Variants in PDZD2 observed in about 807,000 individuals in gnomAD.
The protein encoded by PDZD2 is PDZ domain containing 2.
A neutral mutation model predicts 220.7 loss-of-function variants in PDZD2; 90 were observed. The observed-to-expected ratio is 0.41, with a 90% CI of 0.34 to 0.49. The LOEUF (loss-of-function observed/expected upper bound fraction) is 0.49. Ranked by LOEUF, PDZD2 falls within the 20% of genes least tolerant of loss-of-function variation. The pLI is 0.28. For synonymous variants in PDZD2, 1,375 were observed against 1,450.5 expected, an observed-to-expected ratio of 0.95 and a Z score of 1.18; for missense variants, 3,174 against 3,608.5, an observed-to-expected ratio of 0.88 and a Z score of 3.08.
chr5:32,079,264 A>AAAC (rs1430587285), intron 19 of PDZD2, among the ~76,000 whole-genome samples: 1 of 144,008 alleles, frequency 6.9e-6, no homozygotes, highest in African/African-American at 2.9e-5. Flanking sequence ...GTCTCAAAAA[A>AAAC]AAAACAAAAA....
At chr5:32,016,313 C>A (rs1383851409) in intron 6 of PDZD2, among the ~76,000 whole-genome samples, 1 of 152,172 alleles carries the variant, frequency 6.6e-6, no homozygotes. Context: ...TCTGTTACAG[C>A]ATCTGAATGT....
chr5:32,046,704 A>G (rs1465407369), intron 7 of PDZD2, among the ~76,000 whole-genome samples: 2 of 152,194 alleles, frequency 1.3e-5, no homozygotes, highest in African/African-American at 2.4e-5. Context: ...GATATTTACA[A>G]TCCATAGATC....
At chr5:31,981,896 C>T (rs1478589482) in intron 2 of PDZD2, among the ~76,000 whole-genome samples, 1 of 152,182 alleles carries the variant, frequency 6.6e-6, no homozygotes, top group African/African-American at 2.4e-5. Context: ...CCTAATTACT[C>T]ATTTCATTTG....
intron 2 of PDZD2, among the ~76,000 whole-genome samples, chr5:31,857,970 C>T (rs1429743867): frequency 6.6e-6 from 1 of 152,124 alleles, no homozygotes; most frequent in Non-Finnish European, 1.5e-5. Flanking sequence ...GGACTACAGG[C>T]ATGCACCACC....
chr5:31,849,153 C>T (rs768118572), intron 2 of PDZD2, among the ~76,000 whole-genome samples: 70 of 152,258 alleles, frequency 4.6e-4, no homozygotes, highest in Admixed American at 2.6e-3. Context: ...GTCAGTTTGG[C>T]CAATAAGCAT....
rs1051380470 is a variant in PDZD2, at chr5:31,797,845, C to T, written c.-360-1044C>T. On this transcript the variant is annotated intron_variant, in intron 1 of 24. Transcript: ENST00000438447. ...CATGCATTATTGTTCCTTGTTAAAT[C>T]ACTTCCTGAGAAGGCTGGAGAATGT... Among the ~76,000 whole-genome samples, 9 of 152,156 alleles carry T rather than the reference C, an allele frequency of 5.9e-5. No individual in the cohort carries two copies. In the South Asian group the frequency reaches 1.2e-3, roughly 21 times the overall value.
intron 2 of PDZD2, among the ~76,000 whole-genome samples, chr5:31,827,519 C>G (rs1468561628): frequency 2.0e-5 from 3 of 151,648 alleles, no homozygotes; most frequent in African/African-American, 7.3e-5. Context: ...ATGGTAACAC[C>G]CCGTCTCTAC....
chr5:32,024,792 A>T (rs933840034), intron 6 of PDZD2, among the ~76,000 whole-genome samples: 2 of 152,182 alleles, frequency 1.3e-5, no homozygotes, highest in African/African-American at 4.8e-5. Flanking sequence ...CAACTGAAGG[A>T]CCACATAATA....
rs757680083 is a variant in PDZD2 at position 32,098,149 on chromosome 5, T to A, written c.7948-215T>A. 1.3e-5 allele frequency among the ~76,000 whole-genome samples: 2 copies of A among 151,982 alleles called. No individual in the cohort carries two copies. Among genetic ancestry groups the A allele is most frequent in the East Asian group, 3.9e-4 (2 of 5,182 alleles). On this transcript the variant is annotated intron_variant, in intron 22 of 24. Coordinates refer to ENST00000438447, the MANE Select transcript of PDZD2 (RefSeq NM_178140.4). The surrounding 1 kb of genome is among the most constrained non-coding windows in gnomAD (Gnocchi z 4.1). ...GGTGTGTGCCTATAATCCCAGCTAC[T>A]CAGGAGGCTGAGGCAGGAGAATCGC...
intron 19 of PDZD2, among the ~76,000 whole-genome samples, chr5:32,084,865 A>G (rs1028999902): frequency 2.0e-5 from 3 of 149,326 alleles, no homozygotes; most frequent in Non-Finnish European, 4.4e-5. Flanking sequence ...ATGACTTCCC[A>G]CTGTCCACTG....
intron 2 of PDZD2, among the ~76,000 whole-genome samples, chr5:31,947,141 C>T (rs1489142456): frequency 1.3e-5 from 2 of 152,140 alleles, no homozygotes; most frequent in South Asian, 2.1e-4. Context: ...GGGTGCCCCT[C>T]GGTTTAGAGG....
intron 2 of PDZD2, among the ~76,000 whole-genome samples, chr5:31,837,207 T>A (rs1442132019): frequency 1.3e-5 from 2 of 152,128 alleles, no homozygotes; most frequent in Non-Finnish European, 2.9e-5. Flanking sequence ...ATGCAGACTC[T>A]CCACACCTGT....
intron 1 of PDZD2, among the ~76,000 whole-genome samples, chr5:31,737,167 C>CTTTTTTTTTTT (rs57379430): frequency 1.5e-5 from 1 of 66,300 alleles, no homozygotes; most frequent in Non-Finnish European, 2.6e-5. Context: ...CAGTCTACTT[C>CTTTTTTTTTTT]TTTTTTTTTT....
At chr5:31,992,457 G>A (rs1444020366) in intron 3 of PDZD2, among the ~76,000 whole-genome samples, 1 of 152,076 alleles carries the variant, frequency 6.6e-6, no homozygotes, top group African/African-American at 2.4e-5. Context: ...ATATACATTT[G>A]AGCTGATATT....
intron 1 of PDZD2, among the ~76,000 whole-genome samples, chr5:31,709,671 GTCGGCTGGGT>G (rs1747997756): frequency 6.6e-6 from 1 of 152,108 alleles, no homozygotes; most frequent in Non-Finnish European, 1.5e-5. Context: ...ATTAAGTCAT[GTCGGCTGGGT>G]GCGATGGCCC....
At chr5:31,690,572 C>T (rs530289718) in intron 1 of PDZD2, among the ~76,000 whole-genome samples, 4 of 152,172 alleles carry the variant, frequency 2.6e-5, no homozygotes, top group African/African-American at 9.6e-5. Context: ...GGTGGCCATC[C>T]CTGTTCCTTA....
chr5:32,061,907 T>G (rs544642701), intron 14 of PDZD2, among the ~76,000 whole-genome samples: 24 of 152,346 alleles, frequency 1.6e-4, no homozygotes, highest in African/African-American at 4.8e-4. Context: ...CCATAGAATT[T>G]CTAGAGTAGA....
chr5:31,818,146 T>G (rs565544677), intron 2 of PDZD2, among the ~76,000 whole-genome samples: 17 of 150,430 alleles, frequency 1.1e-4, no homozygotes, highest in Non-Finnish European at 1.6e-4. Flanking sequence ...ATGTTTTGTG[T>G]TTTTTTTTAG....
intron 1 of PDZD2, among the ~76,000 whole-genome samples, chr5:31,733,101 G>C (rs907889656): frequency 6.6e-6 from 1 of 152,142 alleles, no homozygotes; most frequent in African/African-American, 2.4e-5. Context: ...TCACAATATA[G>C]TACAAGCCGT....
Sources: allele counts gnomAD v4.1 joint callset (sites outside exome capture counted in the v4.1 genomes callset), GRCh38; gene constraint gnomAD v4.1.1; non-coding constraint Gnocchi (gnomAD v3.1); transcripts MANE v1.5; gene names NCBI Gene and HGNC (gene_info 2026-07-23, HGNC 2026-07-21).